The following TSHZ2 variants were observed in gnomAD, a reference collection of about 807,000 sequenced individuals.
TSHZ2 encodes teashirt zinc finger homeobox 2.
Under a neutral mutation model 74.4 loss-of-function variants are expected in TSHZ2, and 21 were observed. That is an observed-to-expected ratio of 0.28 (90% CI 0.20 to 0.41). The LOEUF is 0.41. Among genes scored for constraint, TSHZ2 ranks in the 10% least tolerant of loss-of-function variants. TSHZ2 has a pLI of 1.00. For synonymous variants in TSHZ2, 540 were observed against 515.3 expected, an observed-to-expected ratio of 1.05 and a Z score of -0.65; for missense variants, 1,244 against 1,293.5, an observed-to-expected ratio of 0.96 and a Z score of 0.59.
chr20:53,174,575 A>G (rs1988280518), intron 1 of TSHZ2, among the ~76,000 whole-genome samples: 3 of 152,228 alleles, frequency 2.0e-5, no homozygotes, highest in Admixed American at 1.3e-4. Context: ...CTGCAGAGCA[A>G]GAATGATAAT....
At chr20:53,349,088 G>C (rs943455561) in intron 2 of TSHZ2, among the ~76,000 whole-genome samples, 1 of 152,206 alleles carries the variant, frequency 6.6e-6, no homozygotes, top group Non-Finnish European at 1.5e-5. Context: ...CAGTGTCCAG[G>C]TGTGCCCCCA....
intron 1 of TSHZ2, among the ~76,000 whole-genome samples, chr20:52,980,753 C>G (rs1026273514): frequency 1.3e-5 from 2 of 152,126 alleles, no homozygotes; most frequent in African/African-American, 4.8e-5. Context: ...ACCCATGAAA[C>G]CTTGTGACAT....
chr20:53,476,258 C>T (rs1390397759), intron 2 of TSHZ2, among the ~76,000 whole-genome samples: 12 of 142,544 alleles, frequency 8.4e-5, no homozygotes, highest in African/African-American at 2.9e-4. Context: ...CAAAAATCCT[C>T]AATAAAATAC....
chr20:53,291,702 G>T (rs116632093), intron 2 of TSHZ2, among the ~76,000 whole-genome samples: 1 of 152,040 alleles, frequency 6.6e-6, no homozygotes, highest in African/African-American at 2.4e-5. Flanking sequence ...TGTGCTGGAC[G>T]TTTGACTTTC....
At chr20:53,462,408 A>G (rs1286515461) in intron 2 of TSHZ2, among the ~76,000 whole-genome samples, 1 of 152,226 alleles carries the variant, frequency 6.6e-6, no homozygotes, top group Non-Finnish European at 1.5e-5. Flanking sequence ...TAGGGCTTCA[A>G]TGTAAGAATT....
intron 1 of TSHZ2, among the ~76,000 whole-genome samples, chr20:52,986,401 CAAAA>C (rs34991984): frequency 5.0e-5 from 6 of 120,790 alleles, no homozygotes; most frequent in Non-Finnish European, 9.9e-5. Flanking sequence ...AAGAATCCAT[CAAAA>C]AAAAAAAAAA....
chr20:53,411,408 C>T (rs1983050126), intron 2 of TSHZ2, among the ~76,000 whole-genome samples: 1 of 152,182 alleles, frequency 6.6e-6, no homozygotes, highest in South Asian at 2.1e-4. Flanking sequence ...AATTAGGAAA[C>T]AGTGGTTAAG....
intron 2 of TSHZ2, among the ~76,000 whole-genome samples, chr20:53,329,059 A>G (rs1247544667): frequency 6.6e-6 from 1 of 152,232 alleles, no homozygotes; most frequent in Non-Finnish European, 1.5e-5. Context: ...ATCAGGTTCT[A>G]CCATAAATTC....
At chr20:53,111,690 C>T (rs1283323715) in intron 1 of TSHZ2, among the ~76,000 whole-genome samples, 1 of 152,154 alleles carries the variant, frequency 6.6e-6, no homozygotes, top group Non-Finnish European at 1.5e-5. Flanking sequence ...AAGACATTCA[C>T]AGCCCTAAAT....
chr20:53,372,111 C>T (rs992061377), intron 2 of TSHZ2, among the ~76,000 whole-genome samples: 1 of 152,108 alleles, frequency 6.6e-6, no homozygotes, highest in African/African-American at 2.4e-5. Context: ...AATGGGAAGA[C>T]CCTATTTCCA....
At chr20:53,434,331 G>C (rs377035146) in intron 2 of TSHZ2, among the ~76,000 whole-genome samples, 9 of 152,102 alleles carry the variant, frequency 5.9e-5, no homozygotes, top group African/African-American at 1.9e-4. Context: ...CAAATTTAAG[G>C]TCACCCAGCT....
chr20:53,003,877 CCTT>C (rs1309263614), intron 1 of TSHZ2, among the ~76,000 whole-genome samples: 1 of 151,988 alleles, frequency 6.6e-6, no homozygotes, highest in Non-Finnish European at 1.5e-5. Flanking sequence ...CCTTCTCTTT[CCTT>C]CTTTTTTTTC....
intron 1 of TSHZ2, among the ~76,000 whole-genome samples, chr20:53,182,234 C>CTCCTTCCTTCTTTCCT (rs1555833730): frequency 2.7e-5 from 4 of 146,542 alleles, no homozygotes; most frequent in Admixed American, 2.7e-4. Flanking sequence ...TCTTGACTCC[C>CTCCTTCCTTCTTTCCT]TCCTTCCTTC....
At chr20:53,096,809 G>C (rs1179666292) in intron 1 of TSHZ2, among the ~76,000 whole-genome samples, 1 of 151,890 alleles carries the variant, frequency 6.6e-6, no homozygotes, top group East Asian at 1.9e-4. Context: ...TTGAAATCGG[G>C]AGGCAGAGGT....
At chr20:53,415,807 C>T in intron 2 of TSHZ2, among the ~76,000 whole-genome samples, 2 of 60,008 alleles carry the variant, frequency 3.3e-5, no homozygotes, top group Admixed American at 1.6e-4. Context: ...TATACACACA[C>T]ACACACACAC....
At chr20:53,272,669 G>A (rs1403174374) in intron 2 of TSHZ2, among the ~76,000 whole-genome samples, 1 of 152,186 alleles carries the variant, frequency 6.6e-6, no homozygotes, top group Non-Finnish European at 1.5e-5. Flanking sequence ...GCTTTGCACA[G>A]CCAGAAAAGT....
chr20:53,296,997 CA>C (rs757560882), intron 2 of TSHZ2, among the ~76,000 whole-genome samples: 6 of 152,216 alleles, frequency 3.9e-5, no homozygotes, highest in Non-Finnish European at 8.8e-5. Flanking sequence ...CAGACAACTT[CA>C]AGGTAGAGAA....
intron 1 of TSHZ2, among the ~76,000 whole-genome samples, chr20:53,012,672 A>ACACATG (rs973519028): frequency 6.6e-6 from 1 of 152,122 alleles, no homozygotes; most frequent in Non-Finnish European, 1.5e-5. Flanking sequence ...ACACACACAC[A>ACACATG]CACATGCACA....
At chr20:53,468,011 G>GA (rs200260471) in intron 2 of TSHZ2, among the ~76,000 whole-genome samples, 32 of 150,802 alleles carry the variant, frequency 2.1e-4, no homozygotes, top group South Asian at 1.7e-3. Context: ...TTCTGTAAAA[G>GA]AAAAAAAAAT....
Sources: allele counts gnomAD v4.1 joint callset (sites outside exome capture counted in the v4.1 genomes callset), GRCh38; gene constraint gnomAD v4.1.1; transcripts MANE v1.5; gene names NCBI Gene and HGNC (gene_info 2026-07-23, HGNC 2026-07-21).